The following ATAD3A variants were observed in gnomAD, a reference collection of about 807,000 sequenced individuals.
ATAD3A encodes ATPase family AAA domain-containing protein 3A.
A neutral mutation model predicts 73.8 loss-of-function variants in ATAD3A; 46 were observed. The observed-to-expected ratio is 0.62, with a 90% CI of 0.49 to 0.80. The LOEUF is 0.80. Among genes scored for constraint, ATAD3A ranks in the 30% least tolerant of loss-of-function variants. The pLI is 0.00. For missense variants in ATAD3A, 705 were observed against 838.0 expected (o/e 0.84, Z 1.96); for synonymous variants, 319 against 350.0 (o/e 0.91, Z 0.99).
chr1:1,533,234 G>C (rs1392092898), intron 15 of ATAD3A, among the ~76,000 whole-genome samples: 1 of 152,160 alleles, frequency 6.6e-6, no homozygotes, highest in South Asian at 2.1e-4. Context: ...TCCTGAGCAC[G>C]GTGCCCAGTG....
rs556044722 is a variant in ATAD3A, at chr1:1,523,518, G to A, written c.914G>A (p.Arg305Gln). ...CCCCTTCCCCTCCGGCAGGTCAGCCGGCGGCTCCTCAGTCGACCCCAGGAC... is the reference window on the plus strand; with the variant it reads ...CCCCTTCCCCTCCGGCAGGTCAGCCAGCGGCTCCTCAGTCGACCCCAGGAC... ...EALRHPIQVS[R>Q]RLLSRPQDAL... Residue 305 changes from arginine to glutamine, a missense_variant, in exon 9 of 16, where the codon CGG becomes CAG. By Grantham distance (43) the Arg-to-Gln change is conservative. Coordinates refer to ENST00000378756, the MANE Select transcript of ATAD3A (RefSeq NM_001170535.3). The surrounding 1 kb of genome is among the most constrained non-coding windows in gnomAD (Gnocchi z 5.1). 1.7e-5 allele frequency: 27 copies of A among 1,612,482 alleles called. No homozygotes were observed. The highest frequency in any genetic ancestry group is 4.5e-5 in the East Asian group (2 of 44,834).
At chr1:1,521,168 G>A (rs557738032) in intron 7 of ATAD3A, among the ~76,000 whole-genome samples, 51 of 151,234 alleles carry the variant, frequency 3.4e-4, no homozygotes, top group African/African-American at 1.1e-3. Context: ...GCGCAGTGGC[G>A]GGCGCCTATA....
intron 15 of ATAD3A, among the ~76,000 whole-genome samples, chr1:1,529,602 G>C (rs149348995): frequency 6.6e-6 from 1 of 152,226 alleles, no homozygotes. Context: ...GCCGTAGCCC[G>C]AGCTTTGCCA....
At chr1:1,518,055 TTCTGCACACACGGGCACACACACACC>T (rs1459741625) in intron 4 of ATAD3A, among the ~76,000 whole-genome samples, 9 of 150,390 alleles carry the variant, frequency 6.0e-5, no homozygotes, top group African/African-American at 2.2e-4. Context: ...GTGCACCCAC[TTCTGCACACACGGGCACACACACACC>T]CCTGCACACA....
At position 1,520,659 on chromosome 1, in the gene ATAD3A, G is replaced by T. The variant is rs2002374; in HGVS notation, c.750+42G>T. The T allele has an allele frequency of 1.2e-6, 2 of 1,612,968 alleles. No homozygotes were observed. The highest frequency in any genetic ancestry group is 1.7e-6 in the Non-Finnish European group (2 of 1,179,786). On this transcript the variant is annotated intron_variant, in intron 7 of 15. Transcript: ENST00000378756. This position sits in a 1 kb window ranked among gnomAD's most constrained non-coding sequence, Gnocchi z 4.0. ...AACAGGGCTGGCAGGTGGCTGAGGG[G>T]CAGCATGTGGGGGCCTCCTGGAGCC...
chr1:1,525,568 C>T (rs1390594755), intron 12 of ATAD3A, among the ~76,000 whole-genome samples: 2 of 152,098 alleles, frequency 1.3e-5, no homozygotes, highest in East Asian at 1.9e-4. Flanking sequence ...GCTCCCGCCA[C>T]CACACCTGGC....
rs112892832 is a variant in ATAD3A, at chr1:1,524,001, G to A, written c.1089+37G>A. Reference sequence around the variant, plus strand: ...TGGCTGAACAGGTGGGCCAGGGGCCGCTGGGGTCTCACCTGCCTGCAGGTG... The same window carrying A: ...TGGCTGAACAGGTGGGCCAGGGGCCACTGGGGTCTCACCTGCCTGCAGGTG... On this transcript the variant is annotated intron_variant, in intron 10 of 15. Transcript: ENST00000378756. 6,813 of 1,613,050 alleles carry A rather than the reference G, an allele frequency of 4.2e-3. 184 individuals carry two copies. The African/African-American group carries it at 0.078, about 19-fold the overall frequency.
chr1:1,527,816 A>C lies in ATAD3A; in HGVS notation c.1459A>C (p.Met487Leu). ...GQEERERLVR[M>L]YFDKYVLKPA... ...GGAGGAACGGGAGCGCCTGGTGAGA[A>C]TGTATTTTGACAAGTATGTTCTTAA... Residue 487 changes from methionine (M) to leucine (L), a missense_variant, in exon 14 of 16, where the codon ATG becomes CTG. Coordinates refer to ENST00000378756, the MANE Select transcript of ATAD3A (RefSeq NM_001170535.3). The C allele has an allele frequency of 6.2e-7, 1 of 1,613,928 alleles. No homozygotes were observed. The highest frequency in any genetic ancestry group is 8.5e-7 in the Non-Finnish European group (1 of 1,179,958).
At chr1:1,527,331 C>G in intron 13 of ATAD3A, 1 of 1,105,524 alleles carries the variant, frequency 9.0e-7, no homozygotes, top group Non-Finnish European at 1.2e-6. Context: ...CCAGTGAACC[C>G]GGGCCCCTGA....
chr1:1,526,704 G>A (rs1053652350), intron 13 of ATAD3A, among the ~76,000 whole-genome samples, 173 bp downstream of exon 13: 4 of 152,234 alleles, frequency 2.6e-5, no homozygotes, highest in African/African-American at 9.6e-5. Context: ...ACAGCACGGG[G>A]TGTCACTGAG....
Position 1,523,859 on chromosome 1 carries a change from G to C in ATAD3A, c.984G>C (p.Val328=). 6.2e-7 allele frequency: 1 copy of C among 1,614,032 alleles called. No homozygotes were observed. The highest frequency in any genetic ancestry group is 8.5e-7 in the Non-Finnish European group (1 of 1,180,018). ...GGCAGCCCAGCCTGGAAGCACGGGT[G>C]CGCGACATCGCCATAGCAACAAGGA... is the stretch of plus-strand genomic sequence containing the variant. ...VVLSPSLEAR[V]RDIAIATRNT... Residue 328 remains valine, a synonymous_variant, in exon 10 of 16, where the codon GTG becomes GTC. Transcript: ENST00000378756. The surrounding 1 kb of genome is among the most constrained non-coding windows in gnomAD (Gnocchi z 5.1).
chr1:1,520,622 A>G lies in ATAD3A; in HGVS notation c.750+5A>G, dbSNP rs757244165. ...TGGGACAAAGTGACAGCCACGGTAAACATACTCATAAAACAGGGCTGGCAG... is the reference window on the plus strand; with the variant it reads ...TGGGACAAAGTGACAGCCACGGTAAGCATACTCATAAAACAGGGCTGGCAG... On this transcript the variant is annotated splice_donor_5th_base_variant and intron_variant, in intron 7 of 15. Coordinates refer to ENST00000378756, the MANE Select transcript of ATAD3A (RefSeq NM_001170535.3). This position sits in a 1 kb window ranked among gnomAD's most constrained non-coding sequence, Gnocchi z 4.0. 4 of 1,613,374 alleles carry G rather than the reference A, an allele frequency of 2.5e-6. No homozygotes were observed. Among genetic ancestry groups the G allele is most frequent in the South Asian group, 1.1e-5 (1 of 91,044 alleles).
rs1410746115 is a variant in ATAD3A, at chr1:1,523,476, G to T, written c.907-35G>T. 1 of 1,605,150 alleles carries T rather than the reference G, an allele frequency of 6.2e-7. No homozygotes were observed. The highest frequency in any genetic ancestry group is 1.1e-5 in the South Asian group (1 of 89,926). Reference sequence around the variant, plus strand: ...GGTGGCTGTTCCGTGGCTGTGGCAGGTGACCCGATGGCGCTTCCCCTTCCC... The same window carrying T: ...GGTGGCTGTTCCGTGGCTGTGGCAGTTGACCCGATGGCGCTTCCCCTTCCC... On this transcript the variant is annotated intron_variant, in intron 8 of 15. Coordinates refer to ENST00000378756, the MANE Select transcript of ATAD3A (RefSeq NM_001170535.3). The surrounding 1 kb of genome is among the most constrained non-coding windows in gnomAD (Gnocchi z 5.1).
intron 14 of ATAD3A, among the ~76,000 whole-genome samples, 187 bp downstream of exon 14, chr1:1,528,049 T>C (rs1349532309): frequency 6.7e-6 from 1 of 149,868 alleles, no homozygotes; most frequent in African/African-American, 2.5e-5. Context: ...AACCTCTGCC[T>C]CCCGGGTTCA....
In ATAD3A at chr1:1,534,211, T is replaced by G. The variant is rs1642144726; in HGVS notation, c.*139T>G. 1 of 1,520,230 alleles carries G rather than the reference T, an allele frequency of 6.6e-7. No homozygotes were observed. The highest frequency in any genetic ancestry group is 8.8e-7 in the Non-Finnish European group (1 of 1,134,710). The allele number at this position is 1,520,230 out of a possible 1,614,324, so 94.2% of individuals were successfully genotyped here. Reference sequence around the variant, plus strand: ...AGGGCCTCTGTCCCCCAGGATGTCTTGTGGTGCGGGTCGGCCGTTCTGCCC... The same window carrying G: ...AGGGCCTCTGTCCCCCAGGATGTCTGGTGGTGCGGGTCGGCCGTTCTGCCC... On this transcript the variant is annotated 3_prime_UTR_variant, in exon 16 of 16. Transcript: ENST00000378756.
In ATAD3A at chr1:1,527,722, A is replaced by T. The variant is rs1358750287; in HGVS notation, c.1365A>T (p.Gln455His). The T allele has an allele frequency of 6.2e-7, 1 of 1,613,570 alleles. No individual in the cohort carries two copies. The highest frequency in any genetic ancestry group is 8.5e-7 in the Non-Finnish European group (1 of 1,179,778). Residue 455 changes from glutamine (Q) to histidine (H), a missense_variant, in exon 14 of 16, where the codon CAA (glutamine) becomes CAT (histidine). Coordinates refer to ENST00000378756, the MANE Select transcript of ATAD3A (RefSeq NM_001170535.3). The part of the protein sequence containing the change: ...NKFMLVLASN[Q>H]PEQFDWAIND... Reference sequence around the variant, plus strand: ...TCATGCTGGTCCTGGCCAGCAACCAACCAGAGCAGTTCGACTGGGCCATCA... The same window carrying T: ...TCATGCTGGTCCTGGCCAGCAACCATCCAGAGCAGTTCGACTGGGCCATCA...
chr1:1,515,859 G>A (rs998767408), intron 1 of ATAD3A, among the ~76,000 whole-genome samples, 153 bp from the exon 2 acceptor site: 1 of 152,184 alleles, frequency 6.6e-6, no homozygotes, highest in Non-Finnish European at 1.5e-5. Flanking sequence ...GTCACGCCAG[G>A]TCTGACTAGG....
At chr1:1,533,668 C>T (rs1276520918) in intron 15 of ATAD3A, among the ~76,000 whole-genome samples, 4 of 152,040 alleles carry the variant, frequency 2.6e-5, no homozygotes, top group Admixed American at 6.5e-5. Flanking sequence ...AGTGAGGCTC[C>T]GCCTTGGGCT....
At chr1:1,529,788 T>G (rs1289274777) in intron 15 of ATAD3A, among the ~76,000 whole-genome samples, 2 of 152,224 alleles carry the variant, frequency 1.3e-5, no homozygotes, top group African/African-American at 4.8e-5. Context: ...GGCCTCTGGT[T>G]GTCCCACAGC....
Sources: allele counts gnomAD v4.1 joint callset (sites outside exome capture counted in the v4.1 genomes callset), GRCh38; gene constraint gnomAD v4.1.1; non-coding constraint Gnocchi (gnomAD v3.1); transcripts MANE v1.5; gene names NCBI Gene and HGNC (gene_info 2026-07-23, HGNC 2026-07-21).